Variants in EPAS1 observed in about 807,000 individuals in gnomAD.
The protein encoded by EPAS1 is endothelial PAS domain-containing protein 1.
A neutral mutation model predicts 87.9 loss-of-function variants in EPAS1; 23 were observed. The ratio of observed to expected loss-of-function variants is 0.26; its 90% CI spans 0.19 to 0.37. The LOEUF (loss-of-function observed/expected upper bound fraction) is 0.37. EPAS1 is among the 10% of genes least tolerant of loss of function. The pLI is 1.00. For synonymous variants in EPAS1, 508 were observed against 444.3 expected (o/e 1.14, Z -1.80); for missense variants, 1,138 against 1,120.7 (o/e 1.02, Z -0.22).
intron 1 of EPAS1, among the ~76,000 whole-genome samples, chr2:46,327,653 A>G (rs1488312488): frequency 6.6e-6 from 1 of 152,262 alleles, no homozygotes; most frequent in Non-Finnish European, 1.5e-5. Context: ...GATGGAAGCT[A>G]TAAAGAGGCT....
chr2:46,341,985 C>G (rs1448779659), intron 1 of EPAS1, among the ~76,000 whole-genome samples: 1 of 152,036 alleles, frequency 6.6e-6, no homozygotes, highest in African/African-American at 2.4e-5. Flanking sequence ...CTCCCCCCAC[C>G]ACACACACAC....
In EPAS1 at chr2:46,382,136, G is replaced by C. The variant is rs1329062974; in HGVS notation, c.2287+47G>C. On this transcript the variant is annotated intron_variant, in intron 14 of 15. Coordinates refer to ENST00000263734, the MANE Select transcript of EPAS1 (RefSeq NM_001430.5). Reference sequence around the variant, plus strand: ...GGGCCTCCTGGGGGTTCTGGTGGAAGGACTGGGGCTCGGGAGCCCATCCTG... The same window carrying C: ...GGGCCTCCTGGGGGTTCTGGTGGAACGACTGGGGCTCGGGAGCCCATCCTG... The C allele has an allele frequency of 2.6e-6, 4 of 1,567,698 alleles. No homozygotes were observed. In the African/African-American group the frequency reaches 5.4e-5, roughly 21 times the overall value.
At chr2:46,329,754 G>A (rs574670078) in intron 1 of EPAS1, among the ~76,000 whole-genome samples, 27 of 151,292 alleles carry the variant, frequency 1.8e-4, no homozygotes, top group Non-Finnish European at 2.5e-4. Context: ...CCCGGGAGGC[G>A]GAAGTTGCAG....
chr2:46,300,620 G>A lies in EPAS1; in HGVS notation c.26+2683G>A, dbSNP rs766430765. ...CACTTTCACTCACCTTTTTGTGCAC[G>A]CATCTATCAGGAATGCCTGAGTCCT... On this transcript the variant is annotated intron_variant, in intron 1 of 15. Transcript: ENST00000263734. This position sits in a 1 kb window ranked among gnomAD's most constrained non-coding sequence, Gnocchi z 4.1. 2.0e-5 allele frequency among the ~76,000 whole-genome samples: 3 copies of A among 152,086 alleles called. No individual in the cohort carries two copies. Among genetic ancestry groups the A allele is most frequent in the Non-Finnish European group, 4.4e-5 (3 of 68,040 alleles).
intron 1 of EPAS1, among the ~76,000 whole-genome samples, chr2:46,345,581 G>A (rs930245461): frequency 1.3e-5 from 2 of 151,906 alleles, no homozygotes; most frequent in Non-Finnish European, 2.9e-5. Flanking sequence ...TGTAAATTAG[G>A]TATAATAATA....
rs376028682 is a variant in EPAS1 at position 46,378,774 on chromosome 2, G to A, written c.1554+7G>A. ...GGACCAATGCAGTACCCAGGTAGATGGCTGTGGAGATCAGGCTAGGGTGTG... is the reference window on the plus strand; with the variant it reads ...GGACCAATGCAGTACCCAGGTAGATAGCTGTGGAGATCAGGCTAGGGTGTG... On this transcript the variant is annotated splice_region_variant and intron_variant, in intron 11 of 15. Coordinates refer to ENST00000263734, the MANE Select transcript of EPAS1 (RefSeq NM_001430.5). 195 of 1,610,516 alleles carry A rather than the reference G, an allele frequency of 1.2e-4. No homozygotes were observed. Among genetic ancestry groups the A allele is most frequent in the Non-Finnish European group, 1.5e-4 (181 of 1,176,818 alleles).
Position 46,346,853 on chromosome 2 carries a change from AC to A in EPAS1, c.27-16del. The A allele has an allele frequency of 1.2e-6, 2 of 1,613,958 alleles. No homozygotes were observed. Among genetic ancestry groups the A allele is most frequent in the Admixed American group, 1.7e-5 (1 of 60,010 alleles). ...GCTGACAGTAACCTTTCCGGGACTA[AC>A]CCCTTCTTCTCCACTTAGGAGTAGC... On this transcript the variant is annotated intron_variant, in intron 1 of 15. Transcript: ENST00000263734. The surrounding 1 kb of genome is among the most constrained non-coding windows in gnomAD (Gnocchi z 4.0).
chr2:46,382,536 C>T lies in EPAS1; in HGVS notation c.2399C>T (p.Pro800Leu). 1.9e-6 allele frequency: 3 copies of T among 1,614,176 alleles called. No homozygotes were observed. In the South Asian group the frequency reaches 3.3e-5, roughly 18 times the overall value. ...GGGGAGAACAGCAAGAGCAGGTTCCCCCCACAGTGCTACGCCACCCAGTAC... is the reference window on the plus strand; with the variant it reads ...GGGGAGAACAGCAAGAGCAGGTTCCTCCCACAGTGCTACGCCACCCAGTAC... Reference protein sequence around the residue: ...SPGENSKSRFPPQCYATQYQD... With the variant: ...SPGENSKSRFLPQCYATQYQD... The change falls in exon 15 of 16, where the codon CCC becomes CTC. Residue 800 changes from proline to leucine, a missense_variant. By Grantham distance (98) the Pro-to-Leu change is moderately conservative (BLOSUM62 -3). Around this residue, in one of 4 missense-constraint regions of EPAS1, gnomAD observed 502 missense variants for 427.1 expected, o/e 1.18. Transcript: ENST00000263734.
intron 1 of EPAS1, among the ~76,000 whole-genome samples, chr2:46,335,325 T>G (rs1405280223): frequency 6.6e-6 from 1 of 152,212 alleles, no homozygotes; most frequent in East Asian, 1.9e-4. Context: ...AAGAGAGAAC[T>G]GACCCTTAAA....
intron 1 of EPAS1, among the ~76,000 whole-genome samples, chr2:46,317,198 A>G (rs1200676052): frequency 2.0e-5 from 3 of 152,192 alleles, no homozygotes; most frequent in Non-Finnish European, 2.9e-5. Flanking sequence ...TACTGCTGAT[A>G]TTTTGACATC....
intron 4 of EPAS1, among the ~76,000 whole-genome samples, chr2:46,359,684 G>C (rs1439148525): frequency 6.6e-6 from 1 of 152,122 alleles, no homozygotes; most frequent in Non-Finnish European, 1.5e-5. Flanking sequence ...TTAAGTGCAG[G>C]GGCTGGTGAC....
At chr2:46,299,434 G>T (rs1200699044) in intron 1 of EPAS1, among the ~76,000 whole-genome samples, 1 of 152,238 alleles carries the variant, frequency 6.6e-6, no homozygotes, top group Non-Finnish European at 1.5e-5. Context: ...CCTCGGAGCA[G>T]TCCTGGGGTT....
chr2:46,383,438 T>C (rs1684945533), intron 15 of EPAS1, among the ~76,000 whole-genome samples: 1 of 152,178 alleles, frequency 6.6e-6, no homozygotes, highest in Non-Finnish European at 1.5e-5. Flanking sequence ...TAATTCGTGG[T>C]TTATGGAAAA....
intron 1 of EPAS1, among the ~76,000 whole-genome samples, chr2:46,340,565 C>T (rs1437931018): frequency 6.6e-6 from 1 of 152,218 alleles, no homozygotes; most frequent in Non-Finnish European, 1.5e-5. Flanking sequence ...AGTCTTATCT[C>T]CCAGATGGGC....
chr2:46,384,048 G>C (rs1684957247), intron 15 of EPAS1, among the ~76,000 whole-genome samples: 1 of 152,196 alleles, frequency 6.6e-6, no homozygotes, highest in South Asian at 2.1e-4. Context: ...CAAGAGAATA[G>C]CACAGAGGCA....
At chr2:46,377,150 T>G (rs1026159417) in intron 9 of EPAS1, among the ~76,000 whole-genome samples, 3 of 152,200 alleles carry the variant, frequency 2.0e-5, no homozygotes, top group Non-Finnish European at 4.4e-5. Context: ...ACAGATGGCT[T>G]GTTCAGGCAG....
intron 7 of EPAS1, among the ~76,000 whole-genome samples, chr2:46,372,691 G>C (rs1684651593): frequency 6.6e-6 from 1 of 152,198 alleles, no homozygotes; most frequent in Non-Finnish European, 1.5e-5. Context: ...TTAATGACCA[G>C]ATGATTAGAA....
intron 6 of EPAS1, among the ~76,000 whole-genome samples, chr2:46,364,140 G>A (rs1684457508): frequency 6.6e-6 from 1 of 152,128 alleles, no homozygotes; most frequent in African/African-American, 2.4e-5. Context: ...GACAAATCCT[G>A]CAAAAACCAA....
At chr2:46,350,187 A>G (rs1427233942) in intron 2 of EPAS1, among the ~76,000 whole-genome samples, 1 of 152,196 alleles carries the variant, frequency 6.6e-6, no homozygotes, top group Non-Finnish European at 1.5e-5. Flanking sequence ...CCTCTAACCT[A>G]CTTTCTAGCA....
Sources: allele counts gnomAD v4.1 joint callset (sites outside exome capture counted in the v4.1 genomes callset), GRCh38; gene constraint gnomAD v4.1.1; regional missense constraint gnomAD v4.1.1; non-coding constraint Gnocchi (gnomAD v3.1); transcripts MANE v1.5; gene names NCBI Gene and HGNC (gene_info 2026-07-23, HGNC 2026-07-21).